IL1RL1: variants seen among roughly 807,000 people sequenced by gnomAD.
IL1RL1 encodes interleukin 1 receptor like 1, also known as interleukin-1 receptor-like 1.
In IL1RL1, 32 loss-of-function variants were observed where a neutral mutation model predicts 50.9. The observed-to-expected ratio is 0.63, with a 90% CI of 0.47 to 0.84. The LOEUF (loss-of-function observed/expected upper bound fraction) is 0.84, where lower values mean the gene tolerates loss of function less well. Ranked by LOEUF, IL1RL1 falls within the 40% of genes least tolerant of loss-of-function variation. The pLI is 0.00. For synonymous variants in IL1RL1, 275 were observed against 236.0 expected (o/e 1.17, Z -1.51); for missense variants, 773 against 662.9 (o/e 1.17, Z -1.82).
intron 1 of IL1RL1, among the ~76,000 whole-genome samples, chr2:102,317,772 A>C (rs769915726): frequency 7.2e-5 from 11 of 152,086 alleles, no homozygotes; most frequent in Non-Finnish European, 1.3e-4. Flanking sequence ...GGAGGAAAAA[A>C]ATCAAGCAGA....
At position 102,349,045 on chromosome 2, in the gene IL1RL1, A is replaced by G. The variant is rs765036430; in HGVS notation, c.1118-34A>G. 2.6e-5 allele frequency: 40 copies of G among 1,567,292 alleles called. No individual in the cohort carries two copies. The South Asian group carries it at 4.2e-4, about 17-fold the overall frequency. ...AGTCCAGTGAGAATTTTTAGAATCA[A>G]GTAAGAAGTTGTACTTCTTGTTTTC... On this transcript the variant is annotated intron_variant, in intron 9 of 10. Transcript: ENST00000233954.
chr2:102,326,648 A>T (rs1677008296), intron 1 of IL1RL1, among the ~76,000 whole-genome samples: 1 of 149,442 alleles, frequency 6.7e-6, no homozygotes, highest in African/African-American at 2.5e-5. Context: ...AAATAAAGGG[A>T]TGGCGGAAGA....
At chr2:102,334,719 G>T (rs1464584568) in intron 1 of IL1RL1, among the ~76,000 whole-genome samples, 1 of 151,380 alleles carries the variant, frequency 6.6e-6, no homozygotes, top group African/African-American at 2.5e-5. Flanking sequence ...GTAAGAGCAG[G>T]CCACACATGG....
chr2:102,336,144 T>A (rs1677318862), intron 1 of IL1RL1, among the ~76,000 whole-genome samples: 1 of 152,230 alleles, frequency 6.6e-6, no homozygotes, highest in East Asian at 1.9e-4. Context: ...CTTTTGCAGC[T>A]ACTCCTTTCT....
At chr2:102,330,052 C>T (rs192004101) in intron 1 of IL1RL1, among the ~76,000 whole-genome samples, 148 of 152,190 alleles carry the variant, frequency 9.7e-4, no homozygotes, top group African/African-American at 3.1e-3. Flanking sequence ...ATGTTTATAG[C>T]GGCACTATTC....
intron 1 of IL1RL1, among the ~76,000 whole-genome samples, chr2:102,325,913 G>C (rs891135271): frequency 2.6e-5 from 4 of 152,222 alleles, no homozygotes; most frequent in African/African-American, 7.2e-5. Context: ...ATGGAACCAA[G>C]TTGGAAAACA....
intron 8 of IL1RL1, chr2:102,345,306 A>C (rs1677741743): frequency 1.0e-6 from 1 of 985,378 alleles, no homozygotes; most frequent in Non-Finnish European, 1.2e-6. Flanking sequence ...ACTCCTGAGC[A>C]CTTGCCAGTT....
intron 8 of IL1RL1, chr2:102,344,857 A>C (rs991359882): frequency 4.2e-6 from 4 of 962,156 alleles, no homozygotes; most frequent in Non-Finnish European, 2.5e-6. Context: ...GGAAAGTCAA[A>C]TTGTTTATTG....
chr2:102,351,581 A>G lies in IL1RL1; in HGVS notation c.1331A>G (p.His444Arg). The change falls in exon 11 of 11, where the codon CAC (histidine) becomes CGC (arginine). Residue 444 changes from histidine (H) to arginine (R), a missense_variant. Coordinates refer to ENST00000233954, the MANE Select transcript of IL1RL1 (RefSeq NM_016232.5). The stretch of plus-strand genomic sequence containing the variant: ...ACCAACATACGAAAGAGCAGGCGGC[A>G]CATTTTCATCCTGACCCCTCAGATC... ...VETNIRKSRR[H>R]IFILTPQITH... The G allele has an allele frequency of 1.9e-6, 3 of 1,614,132 alleles. No individual in the cohort carries two copies. The highest frequency in any genetic ancestry group is 2.5e-6 in the Non-Finnish European group (3 of 1,179,976).
chr2:102,335,039 G>A (rs1677275887), intron 1 of IL1RL1, among the ~76,000 whole-genome samples: 1 of 152,168 alleles, frequency 6.6e-6, no homozygotes, highest in Admixed American at 6.6e-5. Context: ...TGAAAAGGGA[G>A]AGTAGTTATG....
intron 6 of IL1RL1, among the ~76,000 whole-genome samples, chr2:102,342,567 G>A (rs1443208690): frequency 6.6e-6 from 1 of 152,156 alleles, no homozygotes; most frequent in Admixed American, 6.5e-5. Flanking sequence ...CTATCCCAGA[G>A]CTTGGGATGG....
intron 1 of IL1RL1, among the ~76,000 whole-genome samples, chr2:102,315,278 C>G (rs927868832): frequency 6.6e-6 from 1 of 150,512 alleles, no homozygotes; most frequent in Non-Finnish European, 1.5e-5. Flanking sequence ...CTCCCAAATC[C>G]CCACTCTCCC....
At chr2:102,325,911 A>G (rs1278575670) in intron 1 of IL1RL1, among the ~76,000 whole-genome samples, 1 of 152,254 alleles carries the variant, frequency 6.6e-6, no homozygotes, top group East Asian at 1.9e-4. Flanking sequence ...GAATGGAACC[A>G]AGTTGGAAAA....
intron 1 of IL1RL1, among the ~76,000 whole-genome samples, chr2:102,328,316 TA>T (rs1472833758): frequency 6.6e-6 from 1 of 152,060 alleles, no homozygotes; most frequent in East Asian, 1.9e-4. Context: ...CCCTTCATGC[TA>T]AAAACTCTCA....
intron 5 of IL1RL1, chr2:102,341,189 T>C: frequency 9.0e-7 from 1 of 1,108,614 alleles, no homozygotes; most frequent in Non-Finnish European, 1.1e-6. Flanking sequence ...TTTTTCTAGT[T>C]TGGTGTCAGA....
At chr2:102,349,953 T>C (rs1677884239) in intron 10 of IL1RL1, among the ~76,000 whole-genome samples, 3 of 152,272 alleles carry the variant, frequency 2.0e-5, no homozygotes, top group African/African-American at 7.2e-5. Context: ...ATAAAGTAAA[T>C]GTTCAGTTTT....
intron 1 of IL1RL1, among the ~76,000 whole-genome samples, chr2:102,312,723 G>A (rs116327344): frequency 1.3e-5 from 2 of 152,128 alleles, no homozygotes; most frequent in Non-Finnish European, 2.9e-5. Context: ...TTCTGGAGGG[G>A]TGGGGAGTGA....
intron 1 of IL1RL1, among the ~76,000 whole-genome samples, chr2:102,313,738 C>A (rs796277002): frequency 6.6e-6 from 1 of 152,306 alleles, no homozygotes; most frequent in African/African-American, 2.4e-5. Flanking sequence ...TGTCCAAGGG[C>A]AAATGCAGTC....
At chr2:102,320,198 G>A (rs1055333436) in intron 1 of IL1RL1, among the ~76,000 whole-genome samples, 1 of 152,178 alleles carries the variant, frequency 6.6e-6, no homozygotes, top group African/African-American at 2.4e-5. Flanking sequence ...TTTGGTTTGT[G>A]TTTACTCCAG....
Sources: gnomAD v4.1 joint callset for allele counts (sites outside exome capture counted in the v4.1 genomes callset) on GRCh38, gnomAD v4.1.1 for gene constraint, MANE v1.5 for transcripts, NCBI Gene and HGNC (gene_info 2026-07-23, HGNC 2026-07-21) for gene names.